The following FOXN2 variants were observed in gnomAD, a reference collection of about 807,000 sequenced individuals.
FOXN2 encodes forkhead box N2, also known as forkhead box protein N2.
FOXN2 carries 19 observed loss-of-function variants against 41.2 expected under a neutral mutation model. The ratio of observed to expected loss-of-function variants is 0.46; its 90% CI spans 0.32 to 0.68. The LOEUF (loss-of-function observed/expected upper bound fraction) is 0.68. Among genes scored for constraint, FOXN2 ranks in the 30% least tolerant of loss-of-function variants. FOXN2 has a pLI of 0.03. For missense variants in FOXN2, 587 were observed against 509.4 expected (o/e 1.15, Z -1.47); for synonymous variants, 195 against 176.8 (o/e 1.10, Z -0.82).
intron 2 of FOXN2, among the ~76,000 whole-genome samples, chr2:48,337,738 G>C (rs1369372613): frequency 6.6e-6 from 1 of 152,136 alleles, no homozygotes; most frequent in Non-Finnish European, 1.5e-5. Context: ...AAGACAAAAA[G>C]AATTGATACA....
chr2:48,325,931 C>G (rs1363254456), intron 1 of FOXN2, among the ~76,000 whole-genome samples: 1 of 145,406 alleles, frequency 6.9e-6, no homozygotes, highest in Non-Finnish European at 1.5e-5. Flanking sequence ...TCACTGCAAA[C>G]TGTGTCTCCC....
At chr2:48,354,000 T>C (rs570220435) in intron 3 of FOXN2, among the ~76,000 whole-genome samples, 1 of 152,370 alleles carries the variant, frequency 6.6e-6, no homozygotes, top group South Asian at 2.1e-4. Context: ...TTAATTCTTT[T>C]ATACTTTTAG....
chr2:48,378,386 A>AT lies in FOXN2; in HGVS notation c.*2950dup, dbSNP rs1673374787. ...ATATAGTAAAGTTTAGTATATATAT[A>AT]TTTTTTTCTTTTTGCTACTTTCTGA... On this transcript the variant is annotated 3_prime_UTR_variant, in exon 7 of 7. Coordinates refer to ENST00000340553, the MANE Select transcript of FOXN2 (RefSeq NM_002158.4). 1 of 151,260 alleles carries AT rather than the reference A, an allele frequency of 6.6e-6. No individual in the cohort carries two copies. The highest frequency in any genetic ancestry group is 1.5e-5 in the Non-Finnish European group (1 of 67,712). 9.4% of individuals were successfully genotyped at this position (151,260 alleles called of 1,614,324 possible). A position where few individuals can be genotyped will look rare whatever the true frequency, so the allele number is the denominator to read the frequency against.
At chr2:48,315,922 TTC>T (rs1435648912) in intron 1 of FOXN2, among the ~76,000 whole-genome samples, 1 of 152,202 alleles carries the variant, frequency 6.6e-6, no homozygotes, top group Non-Finnish European at 1.5e-5. Flanking sequence ...ACCACAGACT[TTC>T]TTTCTCCTAC....
intron 2 of FOXN2, among the ~76,000 whole-genome samples, chr2:48,341,645 C>T (rs1394056795): frequency 6.6e-6 from 1 of 152,178 alleles, no homozygotes; most frequent in Non-Finnish European, 1.5e-5. Flanking sequence ...GAAAGAAGAG[C>T]TCATTAAACA....
intron 2 of FOXN2, 28 bp from the exon 3 acceptor site, chr2:48,346,173 A>G (rs1458084471): frequency 6.6e-7 from 1 of 1,523,500 alleles, no homozygotes; most frequent in South Asian, 1.3e-5. Context: ...CTAAAGTATT[A>G]CATTGATAAT....
chr2:48,323,839 A>G (rs1669495004), intron 1 of FOXN2, among the ~76,000 whole-genome samples: 2 of 152,094 alleles, frequency 1.3e-5, no homozygotes, highest in East Asian at 1.9e-4. Context: ...GTTTTCTTCT[A>G]GAATTTTTAT....
chr2:48,355,495 A>G (rs1294558133), intron 3 of FOXN2, among the ~76,000 whole-genome samples: 4 of 152,236 alleles, frequency 2.6e-5, no homozygotes, highest in Non-Finnish European at 5.9e-5. Flanking sequence ...TATTTTGCCT[A>G]AATGTCTGAG....
At chr2:48,335,443 A>T (rs1020583158) in intron 2 of FOXN2, among the ~76,000 whole-genome samples, 1 of 151,226 alleles carries the variant, frequency 6.6e-6, no homozygotes, top group Non-Finnish European at 1.5e-5. Flanking sequence ...TTTTTAAGAG[A>T]AAAGACAGAT....
chr2:48,323,774 G>A (rs927441108), intron 1 of FOXN2, among the ~76,000 whole-genome samples: 1 of 152,044 alleles, frequency 6.6e-6, no homozygotes, highest in African/African-American at 2.4e-5. Flanking sequence ...AGTTGCTTTT[G>A]AGTTCTTAGT....
intron 2 of FOXN2, among the ~76,000 whole-genome samples, chr2:48,344,840 A>AACCC (rs1491540182): frequency 5.4e-5 from 7 of 129,114 alleles, no homozygotes; most frequent in Non-Finnish European, 8.2e-5. Context: ...CTCTGGAGGT[A>AACCC]CCCCCCCCCC....
At chr2:48,319,578 G>A (rs945881932) in intron 1 of FOXN2, among the ~76,000 whole-genome samples, 1 of 149,414 alleles carries the variant, frequency 6.7e-6, no homozygotes, top group Non-Finnish European at 1.5e-5. Flanking sequence ...ACTTTAAATT[G>A]TATAGCCCAC....
chr2:48,367,662 C>G (rs1003999675), intron 5 of FOXN2, among the ~76,000 whole-genome samples: 2 of 152,194 alleles, frequency 1.3e-5, no homozygotes, highest in African/African-American at 2.4e-5. Context: ...GTTCTCATAT[C>G]ATTCCTTACA....
chr2:48,364,655 A>G (rs899061073), intron 5 of FOXN2, among the ~76,000 whole-genome samples: 30 of 152,396 alleles, frequency 2.0e-4, no homozygotes, highest in African/African-American at 7.2e-4. Context: ...TTAGACTAGA[A>G]AAGGGGTTGG....
chr2:48,345,274 G>A (rs1312112581), intron 2 of FOXN2, among the ~76,000 whole-genome samples: 2 of 152,026 alleles, frequency 1.3e-5, no homozygotes, highest in African/African-American at 2.4e-5. Context: ...AATAAGAAGT[G>A]TTATCTTGTT....
chr2:48,316,982 AG>A (rs1196442522), intron 1 of FOXN2, among the ~76,000 whole-genome samples: 1 of 152,198 alleles, frequency 6.6e-6, no homozygotes, highest in Admixed American at 6.5e-5. Context: ...TCTAGGCCTT[AG>A]GGCAGAAAAG....
Position 48,346,231 on chromosome 2 carries a change from G to C in FOXN2, c.17G>C (p.Gly6Ala), listed in dbSNP as rs1337474203. The change falls in exon 3 of 7, where the codon GGA (glycine) becomes GCA (alanine). Residue 6 changes from glycine to alanine, a missense_variant. Transcript: ENST00000340553. The stretch of plus-strand genomic sequence containing the variant: ...TAAGAGTAAATGGGTCCAGTAATTG[G>C]AATGACTCCAGATAAGAGAGCTGAA... MGPVI[G>A]MTPDKRAETP... 6.2e-7 allele frequency: 1 copy of C among 1,607,960 alleles called. No individual in the cohort carries two copies. The highest frequency in any genetic ancestry group is 8.5e-7 in the Non-Finnish European group (1 of 1,177,652).
intron 3 of FOXN2, among the ~76,000 whole-genome samples, chr2:48,348,512 CTT>C (rs1374466042): frequency 6.6e-6 from 1 of 152,084 alleles, no homozygotes; most frequent in Non-Finnish European, 1.5e-5. Flanking sequence ...GTTTTAATCT[CTT>C]GTTTTTGTAT....
intron 5 of FOXN2, among the ~76,000 whole-genome samples, chr2:48,368,364 GTC>G: frequency 6.6e-6 from 1 of 152,148 alleles, no homozygotes; most frequent in South Asian, 2.1e-4. Context: ...AAACAAATGA[GTC>G]TTCAGTTTAA....
Sources: gnomAD v4.1 joint callset for allele counts (sites outside exome capture counted in the v4.1 genomes callset) on GRCh38, gnomAD v4.1.1 for gene constraint, MANE v1.5 for transcripts, NCBI Gene and HGNC (gene_info 2026-07-23, HGNC 2026-07-21) for gene names.